TAOK3: variants seen among roughly 807,000 people sequenced by gnomAD.
TAOK3 encodes the protein serine/threonine-protein kinase TAO3.
Under a neutral mutation model 120.4 loss-of-function variants are expected in TAOK3, and 40 were observed. The observed-to-expected ratio is 0.33, with a 90% CI of 0.26 to 0.43. The LOEUF is 0.43. Ranked by LOEUF, TAOK3 falls within the 20% of genes least tolerant of loss-of-function variation. The probability of loss-of-function intolerance (pLI) is 1.00; values close to 1 mark genes in which losing one functional copy is unlikely to be tolerated. For synonymous variants in TAOK3, 355 were observed against 387.5 expected (o/e 0.92, Z 0.99); for missense variants, 821 against 1,112.1 (o/e 0.74, Z 3.72).
At chr12:118,294,139 TA>T (rs965718200) in intron 1 of TAOK3, among the ~76,000 whole-genome samples, 9 of 152,360 alleles carry the variant, frequency 5.9e-5, no homozygotes, top group African/African-American at 2.2e-4. Flanking sequence ...GTATCAATTT[TA>T]TTGAGGTATA....
intron 1 of TAOK3, among the ~76,000 whole-genome samples, chr12:118,273,916 A>G (rs998069324): frequency 2.6e-5 from 4 of 152,226 alleles, no homozygotes; most frequent in African/African-American, 9.6e-5. Context: ...CCAGCCTTTG[A>G]AAATTCCTAA....
At chr12:118,229,592 T>C (rs1377707094) in intron 9 of TAOK3, among the ~76,000 whole-genome samples, 1 of 152,124 alleles carries the variant, frequency 6.6e-6, no homozygotes, top group Non-Finnish European at 1.5e-5. Flanking sequence ...AAAACATTGA[T>C]TAGAAAAGGT....
intron 3 of TAOK3, among the ~76,000 whole-genome samples, chr12:118,254,295 C>G (rs1449736683): frequency 6.6e-6 from 1 of 151,912 alleles, no homozygotes; most frequent in Non-Finnish European, 1.5e-5. Context: ...ATCTGTTTAT[C>G]TGTCTATCCA....
At chr12:118,310,221 T>C (rs933422402) in intron 1 of TAOK3, among the ~76,000 whole-genome samples, 4 of 152,120 alleles carry the variant, frequency 2.6e-5, no homozygotes, top group African/African-American at 9.7e-5. Flanking sequence ...GAGATGGAGG[T>C]TGCAGTGAGC....
chr12:118,166,293 C>T (rs2035576307), intron 17 of TAOK3, among the ~76,000 whole-genome samples: 1 of 152,174 alleles, frequency 6.6e-6, no homozygotes, highest in Admixed American at 6.5e-5. Context: ...AATCCCAGCA[C>T]TTTGGGAGGC....
intron 1 of TAOK3, among the ~76,000 whole-genome samples, chr12:118,338,576 A>AG (rs1476147347): frequency 6.6e-6 from 1 of 151,490 alleles, no homozygotes; most frequent in Non-Finnish European, 1.5e-5. Flanking sequence ...TCACAAGGTC[A>AG]GGAGCTCGAG....
chr12:118,181,698 A>C (rs76691014), intron 14 of TAOK3, 91 bp from the exon 15 acceptor site: 3 of 1,060,390 alleles, frequency 2.8e-6, no homozygotes, highest in Non-Finnish European at 4.3e-6. Flanking sequence ...GCATAATTTT[A>C]TCCATCACCT....
In TAOK3 at chr12:118,150,877, TAAGA is replaced by T; in HGVS notation, c.*116_*119del. ...TAGTCCGACACGATGTCAGTAAGAG[TAAGA>T]GAGAGAGAGAGTGAGAGCAACGCCC... On this transcript the variant is annotated 3_prime_UTR_variant, in exon 21 of 21. Coordinates refer to ENST00000392533, the MANE Select transcript of TAOK3 (RefSeq NM_016281.4). The T allele has an allele frequency of 9.7e-7, 1 of 1,034,972 alleles. No individual in the cohort carries two copies. 64.1% of individuals were successfully genotyped at this position (1,034,972 alleles called of 1,614,324 possible). A position where few individuals can be genotyped will look rare whatever the true frequency, so the allele number is the denominator to read the frequency against.
chr12:118,213,074 A>C, intron 10 of TAOK3, 79 bp from the exon 11 acceptor site: 3 of 919,166 alleles, frequency 3.3e-6, no homozygotes, highest in South Asian at 2.8e-5. Context: ...TTTTCATTCA[A>C]GGGAAAATTT....
intron 11 of TAOK3, among the ~76,000 whole-genome samples, chr12:118,211,197 CATCAAATCAAGATGGA>C (rs1389569157): frequency 6.6e-6 from 1 of 152,118 alleles, no homozygotes; most frequent in African/African-American, 2.4e-5. Flanking sequence ...TGATTTGGTC[CATCAAATCAAGATGGA>C]ATCAAATCAA....
chr12:118,255,308 T>A (rs1177021070), intron 3 of TAOK3, 140 bp downstream of exon 3: 1 of 743,580 alleles, frequency 1.3e-6, no homozygotes, highest in Admixed American at 3.1e-5. Flanking sequence ...AGACAGGGTC[T>A]TGCTATGTTG....
At chr12:118,272,409 G>A (rs2041745320) in intron 1 of TAOK3, among the ~76,000 whole-genome samples, 1 of 151,620 alleles carries the variant, frequency 6.6e-6, no homozygotes, top group Non-Finnish European at 1.5e-5. Context: ...ATGATTCATT[G>A]AAGATCTTAG....
At chr12:118,279,532 T>C (rs551873772) in intron 1 of TAOK3, among the ~76,000 whole-genome samples, 1 of 151,952 alleles carries the variant, frequency 6.6e-6, no homozygotes, top group Non-Finnish European at 1.5e-5. Flanking sequence ...CCTTCCAGTG[T>C]TTTTATAGTT....
chr12:118,293,967 A>G (rs61945228), intron 1 of TAOK3, among the ~76,000 whole-genome samples: 18,486 of 152,034 alleles, frequency 0.12, 1,203 homozygotes, highest in Middle Eastern at 0.15. Flanking sequence ...GTGAGCCGAG[A>G]TCATGCCATT....
intron 20 of TAOK3, 92 bp from the exon 21 acceptor site, chr12:118,151,250 G>A (rs1395471175): frequency 8.4e-6 from 11 of 1,308,846 alleles, no homozygotes; most frequent in Non-Finnish European, 1.2e-5. Flanking sequence ...CATATGACAT[G>A]CACACACACA....
At chr12:118,283,726 CAACAA>C (rs1184077076) in intron 1 of TAOK3, 31 of 201,776 alleles carry the variant, frequency 1.5e-4, no homozygotes, top group East Asian at 6.2e-4. Context: ...AAGACTTCAT[CAACAA>C]AACAAAACAA....
At chr12:118,280,525 G>T (rs946584809) in intron 1 of TAOK3, among the ~76,000 whole-genome samples, 1 of 152,142 alleles carries the variant, frequency 6.6e-6, no homozygotes, top group Non-Finnish European at 1.5e-5. Flanking sequence ...CATTATTTCT[G>T]GGCTCTCTAT....
intron 4 of TAOK3, among the ~76,000 whole-genome samples, chr12:118,243,731 C>T (rs184819721): frequency 1.3e-5 from 2 of 152,292 alleles, no homozygotes; most frequent in East Asian, 3.9e-4. Context: ...GGCTGGACTG[C>T]AGTGGCACGA....
At chr12:118,218,714 A>G (rs780560044) in intron 9 of TAOK3, among the ~76,000 whole-genome samples, 4 of 152,004 alleles carry the variant, frequency 2.6e-5, no homozygotes, top group Non-Finnish European at 5.9e-5. Flanking sequence ...ATGGATGTGG[A>G]ACCCACAGAT....
Sources: allele counts gnomAD v4.1 joint callset (sites outside exome capture counted in the v4.1 genomes callset), GRCh38; gene constraint gnomAD v4.1.1; transcripts MANE v1.5; gene names NCBI Gene and HGNC (gene_info 2026-07-23, HGNC 2026-07-21).